SLC7A5: variants seen among roughly 807,000 people sequenced by gnomAD.
SLC7A5 encodes the protein solute carrier family 7 member 5, also known as large neutral amino acids transporter small subunit 1.
SLC7A5 carries 23 observed loss-of-function variants against 50.2 expected under a neutral mutation model. The ratio of observed to expected loss-of-function variants is 0.46; its 90% confidence interval spans 0.33 to 0.65. The LOEUF is 0.65. Among genes scored for constraint, SLC7A5 ranks in the 30% least tolerant of loss-of-function variants. The probability of loss-of-function intolerance (pLI) is 0.02; values close to 1 mark genes in which losing one functional copy is unlikely to be tolerated. For missense variants in SLC7A5, 578 were observed against 684.4 expected, an observed-to-expected ratio of 0.84 and a Z score of 1.73; for synonymous variants, 393 against 330.6, an observed-to-expected ratio of 1.19 and a Z score of -2.05.
At position 87,851,580 on chromosome 16, in the gene SLC7A5, T is replaced by C. The variant is rs1016451640; in HGVS notation, c.664+144A>G. 5 of 1,104,636 alleles carry C rather than the reference T, an allele frequency of 4.5e-6. No homozygotes were observed. The African/African-American group carries it at 6.3e-5, about 14-fold the overall frequency. The allele number at this position is 1,104,636 out of a possible 1,614,324, so 68.4% of individuals were successfully genotyped here. Reference sequence around the variant, plus strand: ...GGGTCGGATTTCACTTGCTGGGTGATTTTCCCAGAGGGAAATCTCCACGTT... The same window carrying C: ...GGGTCGGATTTCACTTGCTGGGTGACTTTCCCAGAGGGAAATCTCCACGTT... On this transcript the variant is annotated intron_variant, in intron 2 of 9. Transcript: ENST00000261622.
intron 1 of SLC7A5, among the ~76,000 whole-genome samples, chr16:87,863,986 A>AATATATATAGATATATATATATATATAT (rs1555516642): frequency 3.6e-5 from 3 of 83,280 alleles, no homozygotes; most frequent in Admixed American, 1.4e-4. Flanking sequence ...ATCATTTAAA[A>AATATATATAGATATATATATATATATAT]ATATATATAT....
At chr16:87,850,172 G>A (rs921899082) in intron 2 of SLC7A5, among the ~76,000 whole-genome samples, 12 of 152,302 alleles carry the variant, frequency 7.9e-5, no homozygotes, top group South Asian at 6.2e-4. Context: ...GGAGCAAGGC[G>A]GAGGCTCAGC....
At chr16:87,857,259 G>C (rs893900432) in intron 1 of SLC7A5, among the ~76,000 whole-genome samples, 10 of 151,080 alleles carry the variant, frequency 6.6e-5, no homozygotes, top group African/African-American at 2.4e-4. Flanking sequence ...TCTCGCTCTT[G>C]TCGCCCAGGC....
Position 87,836,664 on chromosome 16 carries a change from G to T in SLC7A5, c.1141-17C>A. On this transcript the variant is annotated splice_polypyrimidine_tract_variant and intron_variant, in intron 7 of 9. Transcript: ENST00000261622. Reference sequence around the variant, plus strand: ...CATCACACACTGGAAGAGAGAGGCGGCTGGCTGAGCCCTGGGGCCCACGAG... The same window carrying T: ...CATCACACACTGGAAGAGAGAGGCGTCTGGCTGAGCCCTGGGGCCCACGAG... 2 of 1,609,964 alleles carry T rather than the reference G, an allele frequency of 1.2e-6. No homozygotes were observed. Among genetic ancestry groups the T allele is most frequent in the Non-Finnish European group, 1.7e-6 (2 of 1,179,904 alleles).
intron 7 of SLC7A5, chr16:87,836,896 G>A (rs1467383203): frequency 5.7e-6 from 3 of 526,244 alleles, no homozygotes; most frequent in African/African-American, 1.9e-5. Context: ...AAGGAGGGAG[G>A]AGAGGAGGAA....
intron 6 of SLC7A5, among the ~76,000 whole-genome samples, chr16:87,838,291 C>CTTTTTTTT (rs58144270): frequency 8.3e-6 from 1 of 120,068 alleles, no homozygotes; most frequent in Non-Finnish European, 1.7e-5. Context: ...TTGCTGCTGC[C>CTTTTTTTT]TTTTTTTTTT....
At chr16:87,839,615 A>AG in intron 5 of SLC7A5, 87 bp downstream of exon 5, 1 of 1,592,358 alleles carries the variant, frequency 6.3e-7, no homozygotes, top group Non-Finnish European at 8.6e-7. Context: ...GGAGGCTTAG[A>AG]GATGTGGGGC....
At chr16:87,845,756 G>C (rs2055145782) in intron 2 of SLC7A5, among the ~76,000 whole-genome samples, 1 of 152,178 alleles carries the variant, frequency 6.6e-6, no homozygotes, top group Non-Finnish European at 1.5e-5. Flanking sequence ...CCTCACACCA[G>C]AAGTAAAAGC....
intron 1 of SLC7A5, among the ~76,000 whole-genome samples, chr16:87,855,700 C>CAGTGTTGGAGGAG (rs2055308446): frequency 6.6e-6 from 1 of 152,060 alleles, no homozygotes; most frequent in Admixed American, 6.5e-5. Flanking sequence ...AGGGATGATC[C>CAGTGTTGGAGGAG]CCCAGGGTCC....
chr16:87,838,083 A>G, intron 6 of SLC7A5, 142 bp from the exon 7 acceptor site: 1 of 723,292 alleles, frequency 1.4e-6, no homozygotes, highest in South Asian at 1.5e-5. Flanking sequence ...AGGCCCCTCC[A>G]GCCGCTGGCT....
rs143675984 is a variant in SLC7A5 at position 87,845,970 on chromosome 16, G to A, written c.665-4815C>T. ...AGCTTCCCCAGCCTGTCATCCTCCC[G>A]AGGCCGACGGCACAGAAGAATGGCA... On this transcript the variant is annotated intron_variant, in intron 2 of 9. Transcript: ENST00000261622. 4.5e-3 allele frequency among the ~76,000 whole-genome samples: 682 copies of A among 152,332 alleles called. 5 individuals are homozygous for A. Among genetic ancestry groups the A allele is most frequent in the African/African-American group, 0.016 (649 of 41,570 alleles).
chr16:87,844,942 C>T (rs1161885876), intron 2 of SLC7A5, among the ~76,000 whole-genome samples: 1 of 152,242 alleles, frequency 6.6e-6, no homozygotes, highest in Non-Finnish European at 1.5e-5. Context: ...TGAGATCATC[C>T]CGGATTAGAG....
At chr16:87,844,166 G>A (rs2055118081) in intron 2 of SLC7A5, among the ~76,000 whole-genome samples, 1 of 150,884 alleles carries the variant, frequency 6.6e-6, no homozygotes, top group South Asian at 2.1e-4. Flanking sequence ...CAGAGCCTGA[G>A]TGGGGCCCTC....
intron 2 of SLC7A5, among the ~76,000 whole-genome samples, chr16:87,842,448 A>C (rs1355726915): frequency 6.6e-6 from 1 of 152,226 alleles, no homozygotes; most frequent in Non-Finnish European, 1.5e-5. Flanking sequence ...AGGTTCCCAT[A>C]AGACCTTGGC....
chr16:87,860,865 C>T lies in SLC7A5; in HGVS notation c.538+8020G>A, dbSNP rs919962781. On this transcript the variant is annotated intron_variant, in intron 1 of 9. Transcript: ENST00000261622. The surrounding 1 kb of genome is among the most constrained non-coding windows in gnomAD (Gnocchi z 4.8). ...GGGGCGGGCAATGCCAGAGAACGGTCCCCACCTGGGGTGGTCTGACGGCCA... is the reference window on the plus strand; with the variant it reads ...GGGGCGGGCAATGCCAGAGAACGGTTCCCACCTGGGGTGGTCTGACGGCCA... Among the ~76,000 whole-genome samples, 3 of 152,208 alleles carry T rather than the reference C, an allele frequency of 2.0e-5. No individual in the cohort carries two copies. The highest frequency in any genetic ancestry group is 2.9e-5 in the Non-Finnish European group (2 of 68,032).
In SLC7A5 at chr16:87,856,330, G is replaced by A. The variant is rs2055319710; in HGVS notation, c.539-4481C>T. ...CTGTGCAGCTTTATAGGCAAATGAC[G>A]ATTGTTTACCCAGAACTGCCTGCTG... On this transcript the variant is annotated intron_variant, in intron 1 of 9. Coordinates refer to ENST00000261622, the MANE Select transcript of SLC7A5 (RefSeq NM_003486.7). 3.3e-5 allele frequency among the ~76,000 whole-genome samples: 5 copies of A among 152,198 alleles called. No individual in the cohort carries two copies. The South Asian group carries it at 1.0e-3, about 31-fold the overall frequency.
At chr16:87,846,483 G>A (rs112959661) in intron 2 of SLC7A5, among the ~76,000 whole-genome samples, 4,112 of 152,328 alleles carry the variant, frequency 0.027, 175 homozygotes, top group African/African-American at 0.09. Context: ...CCCTAACCCC[G>A]GTGTGGCTGT....
intron 1 of SLC7A5, among the ~76,000 whole-genome samples, chr16:87,859,142 T>C (rs1275909487): frequency 6.6e-6 from 1 of 152,212 alleles, no homozygotes; most frequent in African/African-American, 2.4e-5. Flanking sequence ...CTTCCAGCTC[T>C]GAAGCAAACG....
At chr16:87,835,559 G>A (rs973168211) in intron 8 of SLC7A5, among the ~76,000 whole-genome samples, 3 of 152,186 alleles carry the variant, frequency 2.0e-5, no homozygotes, top group African/African-American at 4.8e-5. Context: ...GCGCGACCTC[G>A]GCCTCCCAGG....
Sources: allele counts gnomAD v4.1 joint callset (sites outside exome capture counted in the v4.1 genomes callset), GRCh38; gene constraint gnomAD v4.1.1; non-coding constraint Gnocchi (gnomAD v3.1); transcripts MANE v1.5; gene names NCBI Gene and HGNC (gene_info 2026-07-23, HGNC 2026-07-21).